Variants in C12orf57 observed in about 807,000 individuals in gnomAD.
C12orf57 encodes the protein protein C10.
A neutral mutation model predicts 11.3 loss-of-function variants in C12orf57; 14 were observed. The ratio of observed to expected loss-of-function variants is 1.24; its 90% CI spans 0.82 to 1.94. The LOEUF is 1.94. C12orf57 is among the 30% of genes most tolerant of loss of function. The probability of loss-of-function intolerance (pLI) is 0.00; values close to 1 mark genes in which losing one functional copy is unlikely to be tolerated. For synonymous variants in C12orf57, 100 were observed against 74.6 expected, an observed-to-expected ratio of 1.34 and a Z score of -1.76; for missense variants, 229 against 172.4, an observed-to-expected ratio of 1.33 and a Z score of -1.84.
chr12:6,944,305 A>AG, intron 1 of C12orf57, 132 bp downstream of exon 1: 2 of 1,585,712 alleles, frequency 1.3e-6, no homozygotes. Flanking sequence ...AAAATGGGGT[A>AG]GGGGACGCCG....
At position 6,944,623 on chromosome 12, in the gene C12orf57, A is replaced by G. The variant is rs781905625; in HGVS notation, c.200A>G (p.Lys67Arg). Reference sequence around the variant, plus strand: ...ACGCAGATCCAGCAGGAGGTTATCAAAGCCTATGGCTTCAGCTGCGACGGG... The same window carrying G: ...ACGCAGATCCAGCAGGAGGTTATCAGAGCCTATGGCTTCAGCTGCGACGGG... ...VATQIQQEVI[K>R]AYGFSCDGEG... Residue 67 changes from lysine (K) to arginine (R), a missense_variant, in exon 2 of 3, where the codon AAA (lysine) becomes AGA (arginine). By Grantham distance (26) the Lys-to-Arg change is conservative (BLOSUM62 2). Transcript: ENST00000229281. 64 of 1,613,902 alleles carry G rather than the reference A, an allele frequency of 4.0e-5. No homozygotes were observed. The highest frequency in any genetic ancestry group is 5.3e-5 in the Non-Finnish European group (62 of 1,179,940).
intron 2 of C12orf57, chr12:6,945,064 T>C: frequency 2.9e-6 from 1 of 346,290 alleles, no homozygotes. Context: ...AGACAAAGTT[T>C]TGACTGCGTT....
chr12:6,944,253 G>A (rs1218684944), intron 1 of C12orf57, 80 bp downstream of exon 1: 49 of 1,610,694 alleles, frequency 3.0e-5, no homozygotes, highest in Non-Finnish European at 3.9e-5. Context: ...GGAGGATGCG[G>A]GCGGAGGATG....
chr12:6,943,847 T>C (rs782092659), upstream of C12orf57: 387 of 901,130 alleles, frequency 4.3e-4, no homozygotes, highest in African/African-American at 1.6e-3. Context: ...ATTTGTCTAG[T>C]AGGCTTTCTG....
chr12:6,944,792 G>T, intron 2 of C12orf57, 140 bp downstream of exon 2: 3 of 1,509,686 alleles, frequency 2.0e-6, no homozygotes, highest in Non-Finnish European at 2.7e-6. Context: ...AACATTCTTG[G>T]CACTCAGAGC....
chr12:6,943,864 T>A (rs145994149), upstream of C12orf57: 464 of 937,256 alleles, frequency 5.0e-4, no homozygotes, highest in Non-Finnish European at 6.5e-4. Context: ...TCTGGCTTTT[T>A]ACCGGAAAGC....
upstream of C12orf57, chr12:6,943,896 C>A (rs112796044): frequency 1.3e-5 from 14 of 1,089,842 alleles, no homozygotes; most frequent in East Asian, 2.7e-5. Context: ...TGTTTGTTGC[C>A]AATGATAGAT....
In C12orf57 at chr12:6,944,046, G is replaced by A. The variant is rs1297817085; in HGVS notation, c.-76G>A. On this transcript the variant is annotated 5_prime_UTR_variant, in exon 1 of 3. Coordinates refer to ENST00000229281, the MANE Select transcript of C12orf57 (RefSeq NM_138425.4). ...TCCTTTCCGCTCCCAGGGGCGTTGG[G>A]AACGGTTGTAGGACGTGGCTCTTTA... 8 of 1,611,874 alleles carry A rather than the reference G, an allele frequency of 5.0e-6. 1 individual carries two copies. Among genetic ancestry groups the A allele is most frequent in the Admixed American group, 1.7e-5 (1 of 60,020 alleles).
upstream of C12orf57, chr12:6,943,832 T>C (rs782418811): frequency 6.9e-6 from 6 of 871,780 alleles, no homozygotes; most frequent in Non-Finnish European, 9.7e-6. Context: ...TACAGCTCTT[T>C]TAGAATTTGT....
upstream of C12orf57, chr12:6,943,840 T>A: frequency 4.5e-6 from 4 of 879,680 alleles, no homozygotes; most frequent in Non-Finnish European, 6.4e-6. Context: ...TTTTAGAATT[T>A]GTCTAGTAGG....
chr12:6,944,068 T>G lies in C12orf57; in HGVS notation c.-54T>G. 6.2e-7 allele frequency: 1 copy of G among 1,613,548 alleles called. No individual in the cohort carries two copies. Among genetic ancestry groups the G allele is most frequent in the Non-Finnish European group, 8.5e-7 (1 of 1,179,844 alleles). ...TGGGAACGGTTGTAGGACGTGGCTC[T>G]TTATTCGTGAGTTTTCCATTTACCT... On this transcript the variant is annotated 5_prime_UTR_variant, in exon 1 of 3. Coordinates refer to ENST00000229281, the MANE Select transcript of C12orf57 (RefSeq NM_138425.4).
rs782565544 is a variant in C12orf57 at position 6,944,097 on chromosome 12, C to G, written c.-25C>G. 6.2e-7 allele frequency: 1 copy of G among 1,614,174 alleles called. No homozygotes were observed. The highest frequency in any genetic ancestry group is 8.5e-7 in the Non-Finnish European group (1 of 1,180,008). On this transcript the variant is annotated 5_prime_UTR_variant, in exon 1 of 3. Coordinates refer to ENST00000229281, the MANE Select transcript of C12orf57 (RefSeq NM_138425.4). ...TTCGTGAGTTTTCCATTTACCTCCG[C>G]TGAACCTAGAGCTTCAGACGCCCTA...
At chr12:6,944,793 C>T (rs1025777868) in intron 2 of C12orf57, 141 bp downstream of exon 2, 2 of 1,508,158 alleles carry the variant, frequency 1.3e-6, no homozygotes, top group Admixed American at 2.1e-5. Flanking sequence ...ACATTCTTGG[C>T]ACTCAGAGCC....
chr12:6,944,036 GGGGCGTT>G lies in C12orf57; in HGVS notation c.-82_-76del. On this transcript the variant is annotated 5_prime_UTR_variant, in exon 1 of 3. Coordinates refer to ENST00000229281, the MANE Select transcript of C12orf57 (RefSeq NM_138425.4). ...GGATGCTGTTTCCTTTCCGCTCCCAGGGGCGTTGGGAACGGTTGTAGGACGTGGCTCT... is the reference window on the plus strand; with the variant it reads ...GGATGCTGTTTCCTTTCCGCTCCCAGGGGAACGGTTGTAGGACGTGGCTCT... The G allele has an allele frequency of 6.2e-7, 1 of 1,609,550 alleles. No individual in the cohort carries two copies. Among genetic ancestry groups the G allele is most frequent in the South Asian group, 1.1e-5 (1 of 90,938 alleles).
chr12:6,943,765 T>C (rs148190502), upstream of C12orf57: 2,883 of 1,083,428 alleles, frequency 2.7e-3, 17 homozygotes, highest in Middle Eastern at 0.011. Flanking sequence ...CTCACCCTCA[T>C]CAATTGTGGA....
At chr12:6,943,780 C>A, upstream of C12orf57, 1 of 974,446 alleles carries the variant, frequency 1.0e-6, no homozygotes, top group Admixed American at 3.4e-5. Context: ...TGTGGAGTTC[C>A]TTTATATCCC....
intron 2 of C12orf57, 171 bp downstream of exon 2, chr12:6,944,823 GTGCGTCCGAGT>G: frequency 1.4e-6 from 2 of 1,452,482 alleles, no homozygotes; most frequent in Admixed American, 5.4e-5. Flanking sequence ...CCCTGAGCTT[GTGCGTCCGAGT>G]TGCGTTTTGT....
At chr12:6,943,897 A>G (rs184449622), upstream of C12orf57, 329 of 1,093,790 alleles carry the variant, frequency 3.0e-4, 1 homozygote, top group South Asian at 1.9e-4. Flanking sequence ...GTTTGTTGCC[A>G]ATGATAGATT....
chr12:6,944,749 T>G (rs782652214), intron 2 of C12orf57, 97 bp downstream of exon 2: 1 of 1,572,630 alleles, frequency 6.4e-7, no homozygotes, highest in South Asian at 1.1e-5. Context: ...GTTGTCCCCT[T>G]TCTCGCCACA....
Sources: gnomAD v4.1 joint callset for allele counts on GRCh38, gnomAD v4.1.1 for gene constraint, MANE v1.5 for transcripts, NCBI Gene and HGNC (gene_info 2026-07-23, HGNC 2026-07-21) for gene names.